Variants in SLC9C1 observed in about 807,000 individuals in gnomAD.
SLC9C1 encodes the protein solute carrier family 9 member C1.
SLC9C1 carries 97 observed loss-of-function variants against 140.9 expected under a neutral mutation model. That is an observed-to-expected ratio of 0.69 (90% CI 0.58 to 0.82). The LOEUF (loss-of-function observed/expected upper bound fraction) is 0.82, where lower values mean the gene tolerates loss of function less well. Among genes scored for constraint, SLC9C1 ranks in the 40% least tolerant of loss-of-function variants. The probability of loss-of-function intolerance (pLI) is 0.00; values close to 1 mark genes in which losing one functional copy is unlikely to be tolerated. For synonymous variants in SLC9C1, 440 were observed against 442.6 expected, an observed-to-expected ratio of 0.99 and a Z score of 0.07; for missense variants, 1,340 against 1,389.3, an observed-to-expected ratio of 0.96 and a Z score of 0.56.
At chr3:112,232,949 G>A (rs886134499) in intron 12 of SLC9C1, among the ~76,000 whole-genome samples, 1 of 150,162 alleles carries the variant, frequency 6.7e-6, no homozygotes, top group Admixed American at 6.7e-5. Flanking sequence ...ATACACAATA[G>A]CCTAAATAAA....
intron 27 of SLC9C1, 107 bp downstream of exon 27, chr3:112,154,890 A>G: frequency 2.0e-6 from 2 of 1,016,986 alleles, no homozygotes; most frequent in Non-Finnish European, 1.5e-6. Context: ...CAAAATGACT[A>G]GCAGATGAAC....
chr3:112,166,844 A>G (rs2077148669), intron 26 of SLC9C1, among the ~76,000 whole-genome samples: 1 of 152,272 alleles, frequency 6.6e-6, no homozygotes, highest in African/African-American at 2.4e-5. Context: ...TGTAAGAAGA[A>G]TAGGCTTTAT....
At chr3:112,261,333 G>A (rs1370523205) in intron 10 of SLC9C1, among the ~76,000 whole-genome samples, 3 of 152,026 alleles carry the variant, frequency 2.0e-5, no homozygotes, top group Non-Finnish European at 4.4e-5. Flanking sequence ...CACTCAATTA[G>A]TTAAATAGTT....
chr3:112,265,109 G>A (rs1349415497), intron 8 of SLC9C1, among the ~76,000 whole-genome samples: 1 of 151,962 alleles, frequency 6.6e-6, no homozygotes, highest in Non-Finnish European at 1.5e-5. Context: ...TTCAAAATTG[G>A]ATTCTTTTAA....
intron 28 of SLC9C1, among the ~76,000 whole-genome samples, chr3:112,142,757 C>T (rs775823873): frequency 5.9e-5 from 9 of 151,570 alleles, no homozygotes; most frequent in Non-Finnish European, 1.3e-4. Context: ...TTTTAGATTC[C>T]AGGGATACAT....
chr3:112,163,483 G>T (rs202042104), intron 26 of SLC9C1, among the ~76,000 whole-genome samples: 67 of 150,170 alleles, frequency 4.5e-4, no homozygotes, highest in Non-Finnish European at 7.2e-4. Context: ...CTTTGTTCTC[G>T]TTGGTTTCAA....
chr3:112,264,306 C>T lies in SLC9C1; in HGVS notation c.916G>A (p.Val306Met). The change falls in exon 9 of 29, where the codon GTG (valine) becomes ATG (methionine). Residue 306 changes from valine to methionine, a missense_variant. Physicochemically the swap from Val to Met is conservative, Grantham distance 21. Coordinates refer to ENST00000305815, the MANE Select transcript of SLC9C1 (RefSeq NM_183061.3). ...ATTAGAAGTCCAAAGAAAGTAAACACCATGAGAAAAGCAATACGTGATAGA... is the reference window on the plus strand; with the variant it reads ...ATTAGAAGTCCAAAGAAAGTAAACATCATGAGAAAAGCAATACGTGATAGA... ...TFLSRIAFLM[V>M]FTFFGLLIPA... The T allele has an allele frequency of 2.0e-6, 3 of 1,482,370 alleles. No homozygotes were observed. The highest frequency in any genetic ancestry group is 2.7e-6 in the Non-Finnish European group (3 of 1,117,504). 91.8% of individuals were successfully genotyped at this position (1,482,370 alleles called of 1,614,324 possible).
chr3:112,250,559 T>C, intron 10 of SLC9C1, among the ~76,000 whole-genome samples: 1 of 151,798 alleles, frequency 6.6e-6, no homozygotes. Flanking sequence ...TTTCTCCACA[T>C]CCTCTCCAGC....
At chr3:112,176,303 G>C (rs368407608) in intron 23 of SLC9C1, among the ~76,000 whole-genome samples, 3 of 152,090 alleles carry the variant, frequency 2.0e-5, no homozygotes, top group Non-Finnish European at 4.4e-5. Context: ...ACTTTTCTCC[G>C]TTCTCCGTGA....
At chr3:112,220,538 C>T (rs4347976) in intron 14 of SLC9C1, among the ~76,000 whole-genome samples, 114,891 of 152,154 alleles carry the variant, frequency 0.76, 43,792 homozygotes, top group East Asian at 0.99. Context: ...TGGGTGGACA[C>T]TGTTGCAGTT....
chr3:112,276,710 C>G (rs937633621), intron 5 of SLC9C1, among the ~76,000 whole-genome samples: 3 of 151,652 alleles, frequency 2.0e-5, no homozygotes, highest in Non-Finnish European at 4.4e-5. Context: ...TCATAAGAGT[C>G]TCTCAAATAT....
intron 28 of SLC9C1, among the ~76,000 whole-genome samples, chr3:112,142,897 T>C (rs2074674393): frequency 6.6e-6 from 1 of 151,574 alleles, no homozygotes. Context: ...CCCTGCCCTC[T>C]GTAGAAATCC....
At chr3:112,174,545 C>T (rs112576953) in intron 23 of SLC9C1, among the ~76,000 whole-genome samples, 1 of 152,142 alleles carries the variant, frequency 6.6e-6, no homozygotes, top group South Asian at 2.1e-4. Flanking sequence ...CCTGGGCAAC[C>T]TCTGTGCTAC....
chr3:112,274,301 T>C (rs1358426573), intron 6 of SLC9C1, among the ~76,000 whole-genome samples: 1 of 152,074 alleles, frequency 6.6e-6, no homozygotes, highest in Non-Finnish European at 1.5e-5. Flanking sequence ...TATTATAATA[T>C]ACATATATCA....
chr3:112,252,875 CA>C (rs2079502535), intron 10 of SLC9C1, among the ~76,000 whole-genome samples: 1 of 152,052 alleles, frequency 6.6e-6, no homozygotes, highest in South Asian at 2.1e-4. Flanking sequence ...AGACTCCAGC[CA>C]CCTCCTGCTG....
At chr3:112,277,250 A>T (rs565694354) in intron 5 of SLC9C1, among the ~76,000 whole-genome samples, 18 of 152,180 alleles carry the variant, frequency 1.2e-4, no homozygotes, top group African/African-American at 4.3e-4. Context: ...CCATTTTTTG[A>T]CTTTTTAGGC....
At chr3:112,164,609 C>T (rs2107900963) in intron 26 of SLC9C1, among the ~76,000 whole-genome samples, 1 of 151,122 alleles carries the variant, frequency 6.6e-6, no homozygotes, top group Middle Eastern at 3.4e-3. Context: ...CCCCCACTCT[C>T]TTCTTGCTTG....
At chr3:112,213,507 G>A (rs922262791) in intron 15 of SLC9C1, among the ~76,000 whole-genome samples, 3 of 152,060 alleles carry the variant, frequency 2.0e-5, no homozygotes, top group Admixed American at 6.6e-5. Flanking sequence ...AAGGGATGGA[G>A]GAAGATCTAC....
intron 26 of SLC9C1, among the ~76,000 whole-genome samples, chr3:112,163,637 C>T (rs200114009): frequency 1.3e-5 from 2 of 151,968 alleles, no homozygotes; most frequent in Non-Finnish European, 2.9e-5. Context: ...GTCTGAGAGA[C>T]AGTTTGTTAT....
Sources: gnomAD v4.1 joint callset for allele counts (sites outside exome capture counted in the v4.1 genomes callset) on GRCh38, gnomAD v4.1.1 for gene constraint, MANE v1.5 for transcripts, NCBI Gene and HGNC (gene_info 2026-07-23, HGNC 2026-07-21) for gene names.